ADGRL2: variants seen among roughly 807,000 people sequenced by gnomAD.
The protein encoded by ADGRL2 is adhesion G protein-coupled receptor L2.
In ADGRL2, 44 loss-of-function variants were observed where a neutral mutation model predicts 157.4. The observed-to-expected ratio is 0.28, with a 90% confidence interval of 0.22 to 0.36. The LOEUF is 0.36. ADGRL2 is among the 10% of genes least tolerant of loss of function. The probability of loss-of-function intolerance (pLI) is 1.00; values close to 1 mark genes in which losing one functional copy is unlikely to be tolerated. For missense variants in ADGRL2, 1,510 were observed against 1,768.9 expected (o/e 0.85, Z 2.63); for synonymous variants, 585 against 624.7 (o/e 0.94, Z 0.95).
chr1:81,581,490 T>C (rs2080906078), intron 3 of ADGRL2, among the ~76,000 whole-genome samples: 1 of 152,182 alleles, frequency 6.6e-6, no homozygotes, highest in African/African-American at 2.4e-5. Flanking sequence ...ATATCTTTAC[T>C]AATGTAAAAA....
intron 20 of ADGRL2, 49 bp from the exon 21 acceptor site, chr1:81,985,209 GT>G: frequency 9.0e-7 from 1 of 1,105,426 alleles, no homozygotes; most frequent in African/African-American, 1.5e-5. Context: ...AATAAGGTAA[GT>G]TTGGGGAAAC....
chr1:81,611,601 T>C (rs955198702), intron 3 of ADGRL2, among the ~76,000 whole-genome samples: 5 of 152,150 alleles, frequency 3.3e-5, no homozygotes, highest in Non-Finnish European at 7.3e-5. Flanking sequence ...TTCTCCTGAG[T>C]CTTCAAGAAG....
intron 3 of ADGRL2, among the ~76,000 whole-genome samples, chr1:81,638,725 T>A (rs2082160277): frequency 6.6e-6 from 1 of 152,030 alleles, no homozygotes; most frequent in Admixed American, 6.6e-5. Context: ...ATCATAAAAA[T>A]TATTCAATTA....
At chr1:81,319,722 G>T (rs188889039) in intron 1 of ADGRL2, among the ~76,000 whole-genome samples, 1 of 152,078 alleles carries the variant, frequency 6.6e-6, no homozygotes, top group South Asian at 2.1e-4. Context: ...GGCAATAATC[G>T]TAGAGGAAAA....
rs1341916395 is a variant in ADGRL2 at position 81,986,961 on chromosome 1, C to A, written c.3569C>A (p.Pro1190His). ...CTTCGACCCCACGGCACTAACAACC[C>A]CTATAACACATTGCTCGCTGAAACA... is the stretch of plus-strand genomic sequence containing the variant. ...PLLRPHGTNNPYNTLLAETVV... is the reference protein window; with the variant it reads ...PLLRPHGTNNHYNTLLAETVV... The change falls in exon 22 of 24, where the codon CCC becomes CAC. Residue 1190 changes from proline (P) to histidine (H), a missense_variant. Pro to His is a moderately conservative substitution (Grantham distance 77). Around this residue, in one of 4 missense-constraint regions of ADGRL2, gnomAD observed 497 missense variants for 627.2 expected, o/e 0.79. Coordinates refer to ENST00000686636, the MANE Select transcript of ADGRL2 (RefSeq NM_001366006.2). The A allele has an allele frequency of 6.2e-7, 1 of 1,611,746 alleles. No individual in the cohort carries two copies.
chr1:81,572,871 T>C (rs2080723839), intron 2 of ADGRL2, among the ~76,000 whole-genome samples: 1 of 151,464 alleles, frequency 6.6e-6, no homozygotes, highest in Non-Finnish European at 1.5e-5. Context: ...TGAAATGTAT[T>C]TGATAAGGGT....
At chr1:81,536,512 T>G (rs901714736) in intron 2 of ADGRL2, among the ~76,000 whole-genome samples, 15 of 152,158 alleles carry the variant, frequency 9.9e-5, no homozygotes, top group African/African-American at 3.6e-4. Flanking sequence ...AGCACTGAAA[T>G]GGGGAATCAG....
rs116977063 is a variant in ADGRL2 at position 81,476,044 on chromosome 1, G to A, written c.-248+30955G>A. On this transcript the variant is annotated intron_variant, in intron 2 of 24. Transcript: ENST00000370721. ...ATAGGTGTCAGGGAATCCCAGCTACGTCAACATTGAGGAACCTACGTCTGA... is the reference window on the plus strand; with the variant it reads ...ATAGGTGTCAGGGAATCCCAGCTACATCAACATTGAGGAACCTACGTCTGA... Among the ~76,000 whole-genome samples, 863 of 152,222 alleles carry A rather than the reference G, an allele frequency of 5.7e-3. 22 individuals are homozygous for A. In the East Asian group the frequency reaches 0.08, roughly 14 times the overall value.
At chr1:81,861,854 G>A (rs576021293) in intron 2 of ADGRL2, among the ~76,000 whole-genome samples, 24 of 151,904 alleles carry the variant, frequency 1.6e-4, no homozygotes, top group Admixed American at 1.4e-3. Context: ...CCACACTCCA[G>A]CCAGGGCAAC....
At chr1:81,817,748 G>T (rs1243774884) in intron 1 of ADGRL2, among the ~76,000 whole-genome samples, 1 of 151,980 alleles carries the variant, frequency 6.6e-6, no homozygotes, top group East Asian at 1.9e-4. Flanking sequence ...TCTGTGTTGT[G>T]CATTCCCAAG....
At chr1:81,565,618 T>C (rs2080541407) in intron 2 of ADGRL2, among the ~76,000 whole-genome samples, 1 of 152,212 alleles carries the variant, frequency 6.6e-6, no homozygotes, top group African/African-American at 2.4e-5. Flanking sequence ...TCAGCCATTT[T>C]CCTTCATTTC....
chr1:81,624,040 G>T (rs1435368962), intron 3 of ADGRL2, among the ~76,000 whole-genome samples: 1 of 152,126 alleles, frequency 6.6e-6, no homozygotes, highest in African/African-American at 2.4e-5. Context: ...TTGGAGCAAT[G>T]CAGCAGTAAG....
chr1:81,924,404 A>G lies in ADGRL2; in HGVS notation c.288-12324A>G, dbSNP rs183162925. On this transcript the variant is annotated intron_variant, in intron 3 of 23. Transcript: ENST00000686636. ...TATTTGCTAGTGTGCTAGCTGTTTT[A>G]AATTACATAGATATCAAGATTCTCA... Among the ~76,000 whole-genome samples the G allele has an allele frequency of 2.6e-3, 402 of 152,272 alleles. 1 individual carries two copies. Among genetic ancestry groups the G allele is most frequent in the African/African-American group, 9.3e-3 (388 of 41,554 alleles).
In ADGRL2 at chr1:81,402,020, G is replaced by C. The variant is rs143626355; in HGVS notation, c.-301-43016G>C. 1.6e-3 allele frequency among the ~76,000 whole-genome samples: 238 copies of C among 152,256 alleles called. 1 individual carries two copies. Among genetic ancestry groups the C allele is most frequent in the African/African-American group, 5.6e-3 (232 of 41,544 alleles). On this transcript the variant is annotated intron_variant, in intron 1 of 24. Coordinates refer to the ADGRL2 transcript ENST00000370721. ...GTTTGTTTGTTTTGCAATTCCAAGA[G>C]ATGTAAACTAAATGGACATAAATTG...
chr1:81,661,702 G>T (rs1050997030), intron 3 of ADGRL2, among the ~76,000 whole-genome samples: 1 of 152,146 alleles, frequency 6.6e-6, no homozygotes, highest in Admixed American at 6.5e-5. Context: ...GCCGTGGATG[G>T]TTCCAGTTTA....
chr1:81,497,495 T>C (rs1171331367), intron 2 of ADGRL2, among the ~76,000 whole-genome samples: 1 of 152,138 alleles, frequency 6.6e-6, no homozygotes, highest in Non-Finnish European at 1.5e-5. Flanking sequence ...ATAAGTCTAA[T>C]CTTATAGAAC....
In ADGRL2 at chr1:81,894,337, A is replaced by G. The variant is rs148405281; in HGVS notation, c.74-12680A>G. ...GTTCACAGAGTGGGTTCCTTGCTGC[A>G]TTTTGTTTTATTTATTCTTCTATTT... On this transcript the variant is annotated intron_variant, in intron 2 of 23. Coordinates refer to ENST00000686636, the MANE Select transcript of ADGRL2 (RefSeq NM_001366006.2). 8.2e-3 allele frequency among the ~76,000 whole-genome samples: 1,245 copies of G among 152,102 alleles called. 15 individuals are homozygous for G. The highest frequency in any genetic ancestry group is 0.028 in the African/African-American group (1,178 of 41,498).
chr1:81,770,266 G>A (rs1452360866), intron 2 of ADGRL2, among the ~76,000 whole-genome samples: 2 of 145,296 alleles, frequency 1.4e-5, no homozygotes, highest in Admixed American at 7.1e-5. Flanking sequence ...GGGTTTAAGC[G>A]ATTCTCCTGC....
rs566107948 is a variant in ADGRL2 at position 81,370,138 on chromosome 1, G to GA, written c.-302+63635dup. ...GACACAATTTGGAGGGGAACTGCCAGAAAAAACAAAAAAAAAGGCTCTAAC... is the reference window on the plus strand; with the variant it reads ...GACACAATTTGGAGGGGAACTGCCAGAAAAAAACAAAAAAAAAGGCTCTAAC... On this transcript the variant is annotated intron_variant, in intron 1 of 24. Coordinates refer to the ADGRL2 transcript ENST00000370721. 6.2e-3 allele frequency among the ~76,000 whole-genome samples: 928 copies of GA among 150,568 alleles called. 5 individuals are homozygous for GA. The highest frequency in any genetic ancestry group is 9.0e-3 in the Non-Finnish European group (607 of 67,568).
Sources: gnomAD v4.1 joint callset for allele counts (sites outside exome capture counted in the v4.1 genomes callset) on GRCh38, gnomAD v4.1.1 for gene constraint, gnomAD v4.1.1 regional missense constraint, MANE v1.5 for transcripts, NCBI Gene and HGNC (gene_info 2026-07-23, HGNC 2026-07-21) for gene names.